Variants in BRD1 observed in about 807,000 individuals in gnomAD.
BRD1 encodes bromodomain containing 1.
Under a neutral mutation model 107.7 loss-of-function variants are expected in BRD1, and 24 were observed. The observed-to-expected ratio is 0.22, with a 90% CI of 0.16 to 0.31. The LOEUF (loss-of-function observed/expected upper bound fraction) is 0.31. BRD1 is among the 10% of genes least tolerant of loss of function. The pLI is 1.00. For synonymous variants in BRD1, 744 were observed against 686.1 expected (o/e 1.08, Z -1.32); for missense variants, 1,279 against 1,638.6 (o/e 0.78, Z 3.79).
chr22:49,818,122 T>C, intron 2 of BRD1: 1 of 713,938 alleles, frequency 1.4e-6, no homozygotes, highest in Non-Finnish European at 1.8e-6. Flanking sequence ...CAAAATAAAA[T>C]GACACCAGTG....
In BRD1 at chr22:49,794,170, T is replaced by C; in HGVS notation, c.2223A>G (p.Ala741=). 1 of 1,614,250 alleles carries C rather than the reference T, an allele frequency of 6.2e-7. No individual in the cohort carries two copies. The highest frequency in any genetic ancestry group is 8.5e-7 in the Non-Finnish European group (1 of 1,180,042). The change falls in exon 7 of 13, where the codon GCA becomes GCG. Residue 741 remains alanine, a synonymous_variant. Coordinates refer to ENST00000404760, the MANE Select transcript of BRD1 (RefSeq NM_001304808.3). ...GGGCAATTTCCTTTTTGAGCAGCTT[T>C]GCCCGCTTGCTCCGGGAGCCGCTGG... ...MKSSGSRSKR[A]KLLKKEIALL...
intron 1 of BRD1, among the ~76,000 whole-genome samples, chr22:49,825,551 T>C (rs1044588873): frequency 2.6e-5 from 4 of 152,214 alleles, no homozygotes; most frequent in Non-Finnish European, 5.9e-5. Flanking sequence ...TGCTGGGCAG[T>C]GCCTCCCTCC....
At chr22:49,796,921 G>A (rs1414742268) in intron 6 of BRD1, among the ~76,000 whole-genome samples, 1 of 152,250 alleles carries the variant, frequency 6.6e-6, no homozygotes, top group Non-Finnish European at 1.5e-5. Context: ...CCTAGCACGG[G>A]TCAGTGATTC....
intron 2 of BRD1, among the ~76,000 whole-genome samples, chr22:49,814,503 CG>C: frequency 6.6e-6 from 1 of 152,372 alleles, no homozygotes; most frequent in Admixed American, 6.5e-5. Context: ...ACATGCCTGA[CG>C]TGCATGGGCA....
rs1601650336 is a variant in BRD1, at chr22:49,792,773, G to A, written c.2359+1261C>T. ...GAAATTCTCAGCTGTGTGCACAGGA[G>A]TAAGTTTCTAAGAGAAAGAAAAGCT... is the stretch of plus-strand genomic sequence containing the variant. On this transcript the variant is annotated intron_variant, in intron 7 of 12. Transcript: ENST00000404760. This position sits in a 1 kb window ranked among gnomAD's most constrained non-coding sequence, Gnocchi z 4.2. 6.6e-6 allele frequency among the ~76,000 whole-genome samples: 1 copy of A among 152,184 alleles called. No individual in the cohort carries two copies. Among genetic ancestry groups the A allele is most frequent in the African/African-American group, 2.4e-5 (1 of 41,438 alleles).
In BRD1 at chr22:49,798,995, C is replaced by T. The variant is rs368291617; in HGVS notation, c.1649G>A (p.Arg550His). The T allele has an allele frequency of 3.7e-5, 59 of 1,607,272 alleles. No individual in the cohort carries two copies. The African/African-American group carries it at 4.8e-4, about 13-fold the overall frequency. ...GGACAGGCCCAGCCCCACCTGCTCA[C>T]GCTTGAGCTTCTCCCGCTTGCGCAG... ...ELLRKREKLK[R>H]EQVKVEQVAM... is the part of the protein sequence containing the mutation. Residue 550 changes from arginine (R) to histidine (H), a missense_variant, in exon 4 of 13, where the codon CGT (arginine) becomes CAT (histidine). Coordinates refer to ENST00000404760, the MANE Select transcript of BRD1 (RefSeq NM_001304808.3).
intron 2 of BRD1, among the ~76,000 whole-genome samples, chr22:49,815,752 C>A (rs1188456871): frequency 6.6e-6 from 1 of 152,180 alleles, no homozygotes. Flanking sequence ...GTTCCTCATA[C>A]AGGAGAGCAG....
At chr22:49,814,253 G>A (rs1182707238) in intron 2 of BRD1, among the ~76,000 whole-genome samples, 6 of 152,362 alleles carry the variant, frequency 3.9e-5, no homozygotes, top group Non-Finnish European at 5.9e-5. Context: ...ACAAGCCCCC[G>A]ACAAACAGTG....
At position 49,785,657 on chromosome 22, in the gene BRD1, T is replaced by C. The variant is rs555902871; in HGVS notation, c.2857+1733A>G. On this transcript the variant is annotated intron_variant, in intron 8 of 12. Coordinates refer to ENST00000404760, the MANE Select transcript of BRD1 (RefSeq NM_001304808.3). ...AACATTTCAATAGCTTCCTATTACT[T>C]AGAAAGCAAAAAAGCTTTTTCAAAT... Among the ~76,000 whole-genome samples the C allele has an allele frequency of 1.5e-3, 226 of 152,324 alleles. 1 individual carries two copies. Among genetic ancestry groups the C allele is most frequent in the Non-Finnish European group, 1.2e-4 (8 of 68,026 alleles).
chr22:49,824,542 G>A lies in BRD1; in HGVS notation c.-14-211C>T. Reference sequence around the variant, plus strand: ...AGGGAGGGAGCAGCAGTAACAGGCAGAGAGGCAGCCTGAGGAGCCCTCCTG... The same window carrying A: ...AGGGAGGGAGCAGCAGTAACAGGCAAAGAGGCAGCCTGAGGAGCCCTCCTG... On this transcript the variant is annotated intron_variant, in intron 1 of 12. Transcript: ENST00000404760. This position sits in a 1 kb window ranked among gnomAD's most constrained non-coding sequence, Gnocchi z 5.9. 6 of 1,390,302 alleles carry A rather than the reference G, an allele frequency of 4.3e-6. No homozygotes were observed. Among genetic ancestry groups the A allele is most frequent in the South Asian group, 1.5e-5 (1 of 64,542 alleles). 86.1% of individuals were successfully genotyped at this position (1,390,302 alleles called of 1,614,324 possible).
At chr22:49,827,118 C>G (rs967637559) in intron 1 of BRD1, among the ~76,000 whole-genome samples, 10 of 151,768 alleles carry the variant, frequency 6.6e-5, no homozygotes, top group Non-Finnish European at 1.0e-4. Flanking sequence ...GCCCGGCCGG[C>G]TCGGCGGCTG....
chr22:49,794,010 G>C (rs750022573), intron 7 of BRD1, 24 bp downstream of exon 7: 1 of 1,597,130 alleles, frequency 6.3e-7, no homozygotes, highest in Admixed American at 1.7e-5. Flanking sequence ...GCAAGAAAGC[G>C]GGGCAGCCCT....
chr22:49,827,590 G>A lies in BRD1; in HGVS notation c.-108C>T, dbSNP rs1450371136. 6.9e-6 allele frequency: 1 copy of A among 144,846 alleles called. No homozygotes were observed. Among genetic ancestry groups the A allele is most frequent in the Non-Finnish European group, 1.5e-5 (1 of 65,380 alleles). The allele number at this position is 144,846 out of a possible 1,614,324, so 9.0% of individuals were successfully genotyped here. A position where few individuals can be genotyped will look rare whatever the true frequency, so the allele number is the denominator to read the frequency against. On this transcript the variant is annotated 5_prime_UTR_variant, in exon 1 of 13. Coordinates refer to ENST00000404760, the MANE Select transcript of BRD1 (RefSeq NM_001304808.3). ...TGCTAATGGCGCCCGCGGCTCCTCC[G>A]CCAACGGCCGCGCAGGCCGGGCCCC...
chr22:49,796,705 G>A (rs1466069293), intron 6 of BRD1, among the ~76,000 whole-genome samples: 2 of 152,208 alleles, frequency 1.3e-5, no homozygotes, highest in African/African-American at 4.8e-5. Context: ...AATCCTCACA[G>A]GTGCCGAGTG....
chr22:49,799,227 GC>G (rs1272183672), intron 3 of BRD1, 108 bp from the exon 4 acceptor site: 1 of 1,443,566 alleles, frequency 6.9e-7, no homozygotes, highest in African/African-American at 1.4e-5. Context: ...CAGGGGTCCT[GC>G]AGGCCCATCC....
At chr22:49,818,383 C>A in intron 2 of BRD1, 1 of 1,193,546 alleles carries the variant, frequency 8.4e-7, no homozygotes, top group South Asian at 1.5e-5. Flanking sequence ...TTCTGATGAA[C>A]CTAGGAGTTT....
At chr22:49,798,745 C>T in intron 4 of BRD1, 59 bp from the exon 5 acceptor site, 1 of 1,488,108 alleles carries the variant, frequency 6.7e-7, no homozygotes, top group Non-Finnish European at 8.9e-7. Context: ...TCAGCCCCAC[C>T]ACGCGCCCCA....
At chr22:49,784,170 C>T (rs994032289) in intron 8 of BRD1, among the ~76,000 whole-genome samples, 6 of 150,592 alleles carry the variant, frequency 4.0e-5, no homozygotes, top group Non-Finnish European at 8.9e-5. Context: ...TCTCAAGCCC[C>T]AGCACATGCA....
At chr22:49,788,151 T>C (rs1019091844) in intron 7 of BRD1, among the ~76,000 whole-genome samples, 7 of 152,164 alleles carry the variant, frequency 4.6e-5, no homozygotes, top group African/African-American at 1.4e-4. Flanking sequence ...TTATTTCACA[T>C]GCGCCAATAT....
Sources: gnomAD v4.1 joint callset for allele counts (sites outside exome capture counted in the v4.1 genomes callset) on GRCh38, gnomAD v4.1.1 for gene constraint, Gnocchi (gnomAD v3.1) non-coding constraint, MANE v1.5 for transcripts, NCBI Gene and HGNC (gene_info 2026-07-23, HGNC 2026-07-21) for gene names.